Variants in AMPH observed in about 807,000 individuals in gnomAD.
AMPH encodes the protein amphiphysin.
A neutral mutation model predicts 99.1 loss-of-function variants in AMPH; 49 were observed. The ratio of observed to expected loss-of-function variants is 0.49; its 90% confidence interval spans 0.39 to 0.63. The LOEUF is 0.63. AMPH is among the 20% of genes least tolerant of loss of function. The probability of loss-of-function intolerance (pLI) is 0.00; values close to 1 mark genes in which losing one functional copy is unlikely to be tolerated. For synonymous variants in AMPH, 314 were observed against 317.3 expected, an observed-to-expected ratio of 0.99 and a Z score of 0.11; for missense variants, 759 against 863.4, an observed-to-expected ratio of 0.88 and a Z score of 1.52.
chr7:38,542,172 T>C (rs1199520553), intron 1 of AMPH, among the ~76,000 whole-genome samples: 1 of 152,210 alleles, frequency 6.6e-6, no homozygotes, highest in East Asian at 1.9e-4. Context: ...TCCCTCCAGA[T>C]TGAGTCACCT....
intron 18 of AMPH, 137 bp from the exon 19 acceptor site, chr7:38,392,154 C>A (rs544122234): frequency 3.7e-6 from 3 of 820,688 alleles, no homozygotes; most frequent in African/African-American, 1.7e-5. Flanking sequence ...AGACTCAGGT[C>A]TGGGCCTTCC....
chr7:38,464,155 G>A (rs775162529), intron 9 of AMPH: 657 of 1,281,900 alleles, frequency 5.1e-4, no homozygotes, highest in Non-Finnish European at 6.1e-4. Context: ...TCATGGCCCC[G>A]CTTTTTCTTC....
At chr7:38,406,715 T>TC (rs1784996650) in intron 17 of AMPH, among the ~76,000 whole-genome samples, 1 of 117,346 alleles carries the variant, frequency 8.5e-6, no homozygotes, top group African/African-American at 2.9e-5. Flanking sequence ...TCTCCTCTCC[T>TC]CTCTCTCTCC....
At chr7:38,612,084 C>CTTTT (rs777855014) in intron 1 of AMPH, among the ~76,000 whole-genome samples, 1,961 of 90,552 alleles carry the variant, frequency 0.022, 102 homozygotes, top group Non-Finnish European at 0.03. Context: ...TTTTTGTCTT[C>CTTTT]TTCTTTTTTT....
chr7:38,392,137 A>G (rs1584029453), intron 18 of AMPH, 120 bp from the exon 19 acceptor site: 37 of 984,116 alleles, frequency 3.8e-5, no homozygotes, highest in Non-Finnish European at 5.5e-5. Context: ...ATACTTCCCC[A>G]CTAGCCAGAC....
At chr7:38,522,274 A>G (rs1424010371) in intron 2 of AMPH, among the ~76,000 whole-genome samples, 1 of 152,214 alleles carries the variant, frequency 6.6e-6, no homozygotes, top group Admixed American at 6.5e-5. Context: ...CGGGGCATTA[A>G]TAATGCTTAT....
chr7:38,551,590 G>A lies in AMPH; in HGVS notation c.70-16579C>T, dbSNP rs1584236155. Among the ~76,000 whole-genome samples the A allele has an allele frequency of 6.6e-5, 10 of 152,248 alleles. 1 individual carries two copies. In the South Asian group the frequency reaches 2.1e-3, roughly 32 times the overall value. ...GAGAAGAAACTTTCATTTTGTATAA[G>A]TGTCTGTCTAAAGAGTCTGAAGGGC... On this transcript the variant is annotated intron_variant, in intron 1 of 20. Coordinates refer to ENST00000356264, the MANE Select transcript of AMPH (RefSeq NM_001635.4).
intron 1 of AMPH, among the ~76,000 whole-genome samples, chr7:38,563,784 T>G (rs1181877384): frequency 2.0e-5 from 3 of 152,258 alleles, no homozygotes; most frequent in Non-Finnish European, 4.4e-5. Flanking sequence ...GAAATATTTC[T>G]TATCTCAAAG....
chr7:38,429,428 T>C (rs1490785671), intron 14 of AMPH: 7 of 1,294,622 alleles, frequency 5.4e-6, no homozygotes, highest in Non-Finnish European at 7.1e-6. Context: ...CTGAGGTAAC[T>C]TCTTGGCTGA....
intron 1 of AMPH, among the ~76,000 whole-genome samples, chr7:38,630,812 C>G (rs918534915): frequency 2.0e-4 from 31 of 152,208 alleles, no homozygotes; most frequent in Non-Finnish European, 8.8e-5. Flanking sequence ...CAAAATCCCC[C>G]GCAAGAAGGA....
chr7:38,441,842 CAT>C (rs1786556927), intron 11 of AMPH, among the ~76,000 whole-genome samples: 1 of 94,406 alleles, frequency 1.1e-5, no homozygotes, highest in East Asian at 3.3e-4. Flanking sequence ...TATCATATAT[CAT>C]ATATATCATA....
At chr7:38,477,010 C>T in intron 5 of AMPH, 41 bp from the exon 6 acceptor site, 1 of 1,576,738 alleles carries the variant, frequency 6.3e-7, no homozygotes, top group South Asian at 1.1e-5. Context: ...GAAGCATGGA[C>T]ATAAGAGTCT....
At chr7:38,425,225 C>A (rs984199375) in intron 15 of AMPH, among the ~76,000 whole-genome samples, 1 of 152,032 alleles carries the variant, frequency 6.6e-6, no homozygotes, top group Non-Finnish European at 1.5e-5. Flanking sequence ...TCCCCATGAC[C>A]AACAGGATGG....
intron 1 of AMPH, among the ~76,000 whole-genome samples, chr7:38,613,054 A>T (rs1793740983): frequency 1.3e-5 from 2 of 152,208 alleles, no homozygotes; most frequent in Admixed American, 1.3e-4. Flanking sequence ...AACCTTAAAA[A>T]AAAAGCATCA....
chr7:38,450,830 G>T (rs1786983147), intron 11 of AMPH, among the ~76,000 whole-genome samples: 3 of 152,102 alleles, frequency 2.0e-5, no homozygotes. Flanking sequence ...CCTAAAGGGA[G>T]GGTGAACATT....
chr7:38,406,394 T>TA (rs978283765), intron 17 of AMPH, among the ~76,000 whole-genome samples: 42 of 151,960 alleles, frequency 2.8e-4, no homozygotes, highest in Admixed American at 1.2e-3. Context: ...AATTGAAAAT[T>TA]AAAAAAAATC....
chr7:38,394,258 C>T lies in AMPH; in HGVS notation c.1399-44G>A. The stretch of plus-strand genomic sequence containing the variant: ...CAGGCCACGTCTGCATCTCCATGGG[C>T]CTCTGCCAGGAGTCAAACTCAAGCC... On this transcript the variant is annotated intron_variant, in intron 17 of 20. Coordinates refer to ENST00000356264, the MANE Select transcript of AMPH (RefSeq NM_001635.4). 1.3e-6 allele frequency: 2 copies of T among 1,598,518 alleles called. 1 individual carries two copies. The highest frequency in any genetic ancestry group is 2.2e-5 in the South Asian group (2 of 90,740).
At chr7:38,396,964 G>A (rs1784689120) in intron 17 of AMPH, among the ~76,000 whole-genome samples, 1 of 152,192 alleles carries the variant, frequency 6.6e-6, no homozygotes, top group Non-Finnish European at 1.5e-5. Flanking sequence ...AATAAGTTGT[G>A]TCATGATTAC....
intron 16 of AMPH, among the ~76,000 whole-genome samples, chr7:38,418,780 G>A (rs1179909741): frequency 6.6e-6 from 1 of 152,006 alleles, no homozygotes; most frequent in East Asian, 1.9e-4. Flanking sequence ...GGCAGGGTGA[G>A]GTCTTTTTGT....
Sources: allele counts gnomAD v4.1 joint callset (sites outside exome capture counted in the v4.1 genomes callset), GRCh38; gene constraint gnomAD v4.1.1; transcripts MANE v1.5; gene names NCBI Gene and HGNC (gene_info 2026-07-23, HGNC 2026-07-21).